Variants in SRF observed in about 807,000 individuals in gnomAD.
SRF encodes c-fos serum response element-binding transcription factor.
Under a neutral mutation model 37.1 loss-of-function variants are expected in SRF, and 7 were observed. The observed-to-expected ratio is 0.19, with a 90% confidence interval of 0.11 to 0.35. SRF has a LOEUF of 0.35. Ranked by LOEUF, SRF falls within the 10% of genes least tolerant of loss-of-function variation. The pLI, the probability that SRF is intolerant of heterozygous loss-of-function variation, is 1.00. For synonymous variants in SRF, 285 were observed against 310.1 expected (o/e 0.92, Z 0.85); for missense variants, 395 against 694.4 (o/e 0.57, Z 4.85).
At position 43,178,724 on chromosome 6, in the gene SRF, A is replaced by T. The variant is rs1772250650; in HGVS notation, c.1355-82A>T. On this transcript the variant is annotated intron_variant, in intron 5 of 6. Coordinates refer to ENST00000265354, the MANE Select transcript of SRF (RefSeq NM_003131.4). The surrounding 1 kb of genome is among the most constrained non-coding windows in gnomAD (Gnocchi z 4.3). ...TCTTACATCTGAGACTGCCCCAGTC[A>T]CTTGTGCATTTGACACCACTCCTCC... 9.6e-6 allele frequency: 14 copies of T among 1,461,716 alleles called. No individual in the cohort carries two copies. The Middle Eastern group carries it at 5.4e-4, about 56-fold the overall frequency. 90.5% of individuals were successfully genotyped at this position (1,461,716 alleles called of 1,614,324 possible). A position where few individuals can be genotyped will look rare whatever the true frequency, so the allele number is the denominator to read the frequency against.
rs1772149270 is a variant in SRF, at chr6:43,173,799, A to G, written c.514-48A>G. The G allele has an allele frequency of 6.4e-7, 1 of 1,566,480 alleles. No homozygotes were observed. ...CTTTTTCCAACTTCTCAAGGAAGGTAGAGATAAAAAGTTTGCTGACCTGCC... is the reference window on the plus strand; with the variant it reads ...CTTTTTCCAACTTCTCAAGGAAGGTGGAGATAAAAAGTTTGCTGACCTGCC... On this transcript the variant is annotated intron_variant, in intron 1 of 6. Coordinates refer to ENST00000265354, the MANE Select transcript of SRF (RefSeq NM_003131.4). This position sits in a 1 kb window ranked among gnomAD's most constrained non-coding sequence, Gnocchi z 4.2.
chr6:43,171,462 G>A lies in SRF; in HGVS notation c.-195G>A. 1 of 474,706 alleles carries A rather than the reference G, an allele frequency of 2.1e-6. No individual in the cohort carries two copies. The highest frequency in any genetic ancestry group is 5.0e-5 in the East Asian group (1 of 19,816). 29.4% of individuals were successfully genotyped at this position (474,706 alleles called of 1,614,324 possible). A position where few individuals can be genotyped will look rare whatever the true frequency, so the allele number is the denominator to read the frequency against. On this transcript the variant is annotated 5_prime_UTR_variant, in exon 1 of 7. Transcript: ENST00000265354. This position sits in a 1 kb window ranked among gnomAD's most constrained non-coding sequence, Gnocchi z 6.5. ...CTGCGCGCGGCCTGGGGCAACCCGG[G>A]CCACAGGGGCAGGAAAGTGAGGGCC...
chr6:43,174,387 G>T (rs1007303623), intron 2 of SRF, among the ~76,000 whole-genome samples: 1 of 152,188 alleles, frequency 6.6e-6, no homozygotes, highest in African/African-American at 2.4e-5. Context: ...CATTCCTCCC[G>T]CCAGCTGTCT....
In SRF at chr6:43,175,805, G is replaced by A. The variant is rs775959317; in HGVS notation, c.880G>A (p.Gly294Ser). Reference protein sequence around the residue: ...STSTTMQVSSGPSFPITNYLA... With the variant: ...STSTTMQVSSSPSFPITNYLA... The stretch of plus-strand genomic sequence containing the variant: ...CTCTACCACCATGCAAGTCAGCAGC[G>A]GCCCCTCCTTTCCCATCACCAACTA... Residue 294 changes from glycine (G) to serine (S), a missense_variant, in exon 3 of 7, where the codon GGC becomes AGC. Physicochemically the swap from Gly to Ser is moderately conservative, Grantham distance 56 (BLOSUM62 0). Coordinates refer to ENST00000265354, the MANE Select transcript of SRF (RefSeq NM_003131.4). 1.2e-5 allele frequency: 19 copies of A among 1,614,044 alleles called. No homozygotes were observed. Among genetic ancestry groups the A allele is most frequent in the Admixed American group, 1.7e-5 (1 of 60,000 alleles).
Position 43,179,122 on chromosome 6 carries a change from A to G in SRF, c.1459A>G (p.Ser487Gly). The change falls in exon 7 of 7, where the codon AGC (serine) becomes GGC (glycine). Residue 487 changes from serine (S) to glycine (G), a missense_variant. By Grantham distance (56) the Ser-to-Gly change is moderately conservative. This residue lies in a region of SRF where 232 missense variants were observed against 335.6 expected (regional missense o/e 0.69). Transcript: ENST00000265354. The surrounding 1 kb of genome is among the most constrained non-coding windows in gnomAD (Gnocchi z 5.3). ...GGCTGTGATAGGGCAGCAGGCCGGG[A>G]GCAGCAGCAACCTCACCGAGCTACA... ...QMAVIGQQAG[S>G]SSNLTELQVV... 1 of 1,614,180 alleles carries G rather than the reference A, an allele frequency of 6.2e-7. No individual in the cohort carries two copies. The highest frequency in any genetic ancestry group is 8.5e-7 in the Non-Finnish European group (1 of 1,180,012).
chr6:43,178,513 G>A lies in SRF; in HGVS notation c.1354+28G>A. ...GAGTAGAGGAGCAGGGCTAAGGAAA[G>A]GAGGACCGTTTCCTTCTTTATACAC... On this transcript the variant is annotated intron_variant, in intron 5 of 6. Transcript: ENST00000265354. This position sits in a 1 kb window ranked among gnomAD's most constrained non-coding sequence, Gnocchi z 4.3. 6.2e-7 allele frequency: 1 copy of A among 1,600,254 alleles called. No homozygotes were observed. The highest frequency in any genetic ancestry group is 8.5e-7 in the Non-Finnish European group (1 of 1,169,974).
intron 2 of SRF, 119 bp downstream of exon 2, chr6:43,174,232 G>T: frequency 7.7e-7 from 1 of 1,303,242 alleles, no homozygotes; most frequent in South Asian, 1.4e-5. Context: ...AACGACCCTC[G>T]TCCTAGGGGA....
At chr6:43,177,169 G>A (rs925160278) in intron 4 of SRF, among the ~76,000 whole-genome samples, 41 of 151,548 alleles carry the variant, frequency 2.7e-4, no homozygotes, top group African/African-American at 9.3e-4. Context: ...GCATTACCTG[G>A]GAGCTTGTTG....
chr6:43,171,715 G>C lies in SRF; in HGVS notation c.59G>C (p.Gly20Ala). 8.3e-7 allele frequency: 1 copy of C among 1,205,768 alleles called. No homozygotes were observed. The highest frequency in any genetic ancestry group is 1.6e-5 in the African/African-American group (1 of 63,292). The allele number at this position is 1,205,768 out of a possible 1,614,324, so 74.7% of individuals were successfully genotyped here. ...AALGRGSALG[G>A]SLNRTPTGRP... The stretch of plus-strand genomic sequence containing the variant: ...CTGGGCCGGGGCTCGGCCCTGGGGG[G>C]CAGCCTGAACCGGACCCCGACGGGG... Residue 20 changes from glycine to alanine, a missense_variant, in exon 1 of 7, where the codon GGC becomes GCC. By Grantham distance (60) the Gly-to-Ala change is moderately conservative (BLOSUM62 0). This residue lies in a region of SRF where 134 missense variants were observed against 204.5 expected (regional missense o/e 0.66). Coordinates refer to ENST00000265354, the MANE Select transcript of SRF (RefSeq NM_003131.4). This position sits in a 1 kb window ranked among gnomAD's most constrained non-coding sequence, Gnocchi z 6.5.
In SRF at chr6:43,174,056, T is replaced by C. The variant is rs150684295; in HGVS notation, c.723T>C (p.Phe241=). 2.1e-5 allele frequency: 34 copies of C among 1,614,072 alleles called. No individual in the cohort carries two copies. The highest frequency in any genetic ancestry group is 2.6e-5 in the Non-Finnish European group (31 of 1,180,022). The change falls in exon 2 of 7, where the codon TTT becomes TTC. Residue 241 remains phenylalanine (F), a synonymous_variant. Coordinates refer to ENST00000265354, the MANE Select transcript of SRF (RefSeq NM_003131.4). ...TTDQRMSATG[F]EETDLTYQVS... Reference sequence around the variant, plus strand: ...ACCAGAGAATGAGTGCCACTGGCTTTGAAGAGACAGATCTCACCTACCAGG... The same window carrying C: ...ACCAGAGAATGAGTGCCACTGGCTTCGAAGAGACAGATCTCACCTACCAGG...
In SRF at chr6:43,172,486, G is replaced by C. The variant is rs1022115943; in HGVS notation, c.513+317G>C. 7.1e-6 allele frequency: 7 copies of C among 983,812 alleles called. No individual in the cohort carries two copies. The African/African-American group carries it at 1.2e-4, about 17-fold the overall frequency. 60.9% of individuals were successfully genotyped at this position (983,812 alleles called of 1,614,324 possible). ...GGTGATGGGAGGCTACGAGGCTGCCGGGGAGGTGGATAATGAGAACCCGGG... is the reference window on the plus strand; with the variant it reads ...GGTGATGGGAGGCTACGAGGCTGCCCGGGAGGTGGATAATGAGAACCCGGG... On this transcript the variant is annotated intron_variant, in intron 1 of 6. Transcript: ENST00000265354. This position sits in a 1 kb window ranked among gnomAD's most constrained non-coding sequence, Gnocchi z 5.7.
rs1009818323 is a variant in SRF, at chr6:43,172,471, G to A, written c.513+302G>A. On this transcript the variant is annotated intron_variant, in intron 1 of 6. Transcript: ENST00000265354. The surrounding 1 kb of genome is among the most constrained non-coding windows in gnomAD (Gnocchi z 5.7). ...GAAGGGGTGAGGAGCGGTGATGGGA[G>A]GCTACGAGGCTGCCGGGGAGGTGGA... 5 of 985,210 alleles carry A rather than the reference G, an allele frequency of 5.1e-6. No homozygotes were observed. In the African/African-American group the frequency reaches 8.7e-5, roughly 17 times the overall value. 61.0% of individuals were successfully genotyped at this position (985,210 alleles called of 1,614,324 possible). A position where few individuals can be genotyped will look rare whatever the true frequency, so the allele number is the denominator to read the frequency against.
Position 43,178,283 on chromosome 6 carries a change from G to GA in SRF, c.1163-11_1163-10insA. On this transcript the variant is annotated splice_polypyrimidine_tract_variant and intron_variant, in intron 4 of 6. Transcript: ENST00000265354. The surrounding 1 kb of genome is among the most constrained non-coding windows in gnomAD (Gnocchi z 4.3). ...ACCAGTGCCGAGCTGACACATGTCT[G>GA]TGTTTGCCAGTGACGCTGCCCGCCA... 2 of 1,588,222 alleles carry GA rather than the reference G, an allele frequency of 1.3e-6. No individual in the cohort carries two copies. The highest frequency in any genetic ancestry group is 1.7e-6 in the Non-Finnish European group (2 of 1,160,864).
chr6:43,171,604 C>T lies in SRF; in HGVS notation c.-53C>T. 1 of 1,182,102 alleles carries T rather than the reference C, an allele frequency of 8.5e-7. No individual in the cohort carries two copies. The highest frequency in any genetic ancestry group is 1.0e-6 in the Non-Finnish European group (1 of 954,276). 73.2% of individuals were successfully genotyped at this position (1,182,102 alleles called of 1,614,324 possible). On this transcript the variant is annotated 5_prime_UTR_variant, in exon 1 of 7. Transcript: ENST00000265354. The surrounding 1 kb of genome is among the most constrained non-coding windows in gnomAD (Gnocchi z 6.5). ...GCCGGGAAGCCGATGGCGGCGGCTG[C>T]GGCGGCTCCGATTCCTCGCTGACTG...
chr6:43,172,633 G>T lies in SRF; in HGVS notation c.513+464G>T, dbSNP rs1260446194. Among the ~76,000 whole-genome samples the T allele has an allele frequency of 2.0e-5, 3 of 152,216 alleles. No homozygotes were observed. The highest frequency in any genetic ancestry group is 1.5e-5 in the Non-Finnish European group (1 of 68,032). ...GACAACAATGAGCGAACATGTGTGG[G>T]AGGAAGTGGGCACCACGAGAGTAGT... On this transcript the variant is annotated intron_variant, in intron 1 of 6. Coordinates refer to ENST00000265354, the MANE Select transcript of SRF (RefSeq NM_003131.4). The surrounding 1 kb of genome is among the most constrained non-coding windows in gnomAD (Gnocchi z 5.7).
Position 43,171,502 on chromosome 6 carries a change from C to A in SRF, c.-155C>A. 3 of 796,634 alleles carry A rather than the reference C, an allele frequency of 3.8e-6. No individual in the cohort carries two copies. Among genetic ancestry groups the A allele is most frequent in the Non-Finnish European group, 4.9e-6 (3 of 607,840 alleles). The allele number at this position is 796,634 out of a possible 1,614,324, so 49.3% of individuals were successfully genotyped here. A position where few individuals can be genotyped will look rare whatever the true frequency, so the allele number is the denominator to read the frequency against. ...AAGTGAGGGCCCAGGTCGGCCCGGG[C>A]GTGCAGGGGCCCCGGGTTCGCAGCG... On this transcript the variant is annotated 5_prime_UTR_variant, in exon 1 of 7. Transcript: ENST00000265354. The surrounding 1 kb of genome is among the most constrained non-coding windows in gnomAD (Gnocchi z 6.5).
intron 2 of SRF, among the ~76,000 whole-genome samples, chr6:43,174,362 C>T (rs891341410): frequency 1.3e-5 from 2 of 152,230 alleles, no homozygotes; most frequent in African/African-American, 2.4e-5. Context: ...GCCCGCCTGC[C>T]TGGCAGGGCC....
chr6:43,180,010 C>G lies in SRF; in HGVS notation c.*820C>G, dbSNP rs1466570440. On this transcript the variant is annotated 3_prime_UTR_variant, in exon 7 of 7. Coordinates refer to ENST00000265354, the MANE Select transcript of SRF (RefSeq NM_003131.4). ...CCCCTCCCTGCCCAAACTCCCCTTCCCTGGGGAGCCCTCAGGCTCCCCAGA... is the reference window on the plus strand; with the variant it reads ...CCCCTCCCTGCCCAAACTCCCCTTCGCTGGGGAGCCCTCAGGCTCCCCAGA... 1.3e-5 allele frequency: 2 copies of G among 152,176 alleles called. No homozygotes were observed. The highest frequency in any genetic ancestry group is 2.9e-5 in the Non-Finnish European group (2 of 68,018). The allele number at this position is 152,176 out of a possible 1,614,324, so 9.4% of individuals were successfully genotyped here. A position where few individuals can be genotyped will look rare whatever the true frequency, so the allele number is the denominator to read the frequency against.
In SRF at chr6:43,175,958, C is replaced by G; in HGVS notation, c.1033C>G (p.Leu345Val). 6.2e-7 allele frequency: 1 copy of G among 1,612,148 alleles called. No individual in the cohort carries two copies. The highest frequency in any genetic ancestry group is 8.5e-7 in the Non-Finnish European group (1 of 1,179,012). The stretch of plus-strand genomic sequence containing the variant: ...TATGCAGCTGCCTACCAGCTTCACC[C>G]TCATGCCTGGTGAGTCACGAGGGGC... ...GLMQLPTSFT[L>V]MPGGAVAQQV... Residue 345 changes from leucine (L) to valine (V), a missense_variant, in exon 3 of 7, where the codon CTC becomes GTC. Physicochemically the swap from Leu to Val is conservative, Grantham distance 32. Around this residue, in one of 4 missense-constraint regions of SRF, gnomAD observed 232 missense variants for 335.6 expected, o/e 0.69. Transcript: ENST00000265354.
Sources: gnomAD v4.1 joint callset for allele counts (sites outside exome capture counted in the v4.1 genomes callset) on GRCh38, gnomAD v4.1.1 for gene constraint, gnomAD v4.1.1 regional missense constraint, Gnocchi (gnomAD v3.1) non-coding constraint, MANE v1.5 for transcripts, NCBI Gene and HGNC (gene_info 2026-07-23, HGNC 2026-07-21) for gene names.